SIK3: variants seen among roughly 807,000 people sequenced by gnomAD.
The protein encoded by SIK3 is serine/threonine-protein kinase SIK3.
A neutral mutation model predicts 144.2 loss-of-function variants in SIK3; 28 were observed. That is an observed-to-expected ratio of 0.19 (90% CI 0.14 to 0.27). The LOEUF is 0.27. SIK3 is among the 10% of genes least tolerant of loss of function. SIK3 has a pLI of 1.00. For synonymous variants in SIK3, 686 were observed against 676.3 expected, an observed-to-expected ratio of 1.01 and a Z score of -0.22; for missense variants, 1,319 against 1,776.0, an observed-to-expected ratio of 0.74 and a Z score of 4.62.
At chr11:116,856,704 TC>T (rs1565364791) in intron 21 of SIK3, among the ~76,000 whole-genome samples, 1 of 152,030 alleles carries the variant, frequency 6.6e-6, no homozygotes, top group Admixed American at 6.6e-5. Context: ...AGGCAACAAT[TC>T]CCCCCTAAGA....
intron 1 of SIK3, among the ~76,000 whole-genome samples, chr11:117,016,622 T>A (rs1441727135): frequency 2.0e-5 from 3 of 152,284 alleles, no homozygotes; most frequent in Admixed American, 6.5e-5. Context: ...AAGACCAGCC[T>A]GAGCAAAACA....
At chr11:117,097,017 A>G (rs993209878) in intron 1 of SIK3, among the ~76,000 whole-genome samples, 6 of 152,196 alleles carry the variant, frequency 3.9e-5, no homozygotes, top group Admixed American at 3.9e-4. Context: ...TCATTCAAGT[A>G]AGATATTGAG....
chr11:116,859,187 T>C, intron 20 of SIK3, 78 bp downstream of exon 20: 1 of 1,353,710 alleles, frequency 7.4e-7, no homozygotes, highest in Non-Finnish European at 1.0e-6. Flanking sequence ...CTTCCCTCCT[T>C]TTCTCTCACT....
chr11:117,038,923 G>A (rs1330245826), intron 1 of SIK3, among the ~76,000 whole-genome samples: 4 of 151,814 alleles, frequency 2.6e-5, no homozygotes, highest in Admixed American at 2.0e-4. Context: ...GGTGGTGTGT[G>A]CCTCTAATCC....
chr11:116,935,775 T>G (rs1006624449), intron 3 of SIK3, among the ~76,000 whole-genome samples: 7 of 152,230 alleles, frequency 4.6e-5, no homozygotes, highest in African/African-American at 1.7e-4. Context: ...ATCAAAATGT[T>G]GCAATCCTAG....
intron 1 of SIK3, among the ~76,000 whole-genome samples, chr11:116,972,585 T>A (rs1221806923): frequency 6.6e-6 from 1 of 152,184 alleles, no homozygotes; most frequent in East Asian, 1.9e-4. Context: ...TGGGTTAAAC[T>A]AACATTTGGG....
intron 3 of SIK3, among the ~76,000 whole-genome samples, chr11:116,931,826 C>G (rs987483430): frequency 6.6e-6 from 1 of 152,188 alleles, no homozygotes; most frequent in African/African-American, 2.4e-5. Context: ...CTCAGCTCCC[C>G]CTAAGCAGGT....
Position 116,897,335 on chromosome 11 carries a change from C to T in SIK3, c.617-18G>A, listed in dbSNP as rs748834968. The T allele has an allele frequency of 7.5e-6, 12 of 1,610,078 alleles. No homozygotes were observed. ...ACCAAAATCTAGAAAGGCAAATGGA[C>T]ATAATTCGTATTATTGTAACCTTTT... On this transcript the variant is annotated intron_variant, in intron 4 of 24. Coordinates refer to ENST00000445177, the MANE Select transcript of SIK3 (RefSeq NM_001366686.3).
chr11:117,079,889 C>CTCATTATTA, intron 1 of SIK3, among the ~76,000 whole-genome samples: 1 of 151,906 alleles, frequency 6.6e-6, no homozygotes, highest in Non-Finnish European at 1.5e-5. Flanking sequence ...CTATTACAGG[C>CTCATTATTA]CAGGCACAGC....
chr11:116,928,097 T>C (rs1346738758), intron 3 of SIK3, among the ~76,000 whole-genome samples: 1 of 152,222 alleles, frequency 6.6e-6, no homozygotes, highest in Non-Finnish European at 1.5e-5. Context: ...ATTGGCCATG[T>C]TGTTAACTAA....
chr11:116,871,382 T>C (rs1434386069), intron 13 of SIK3, among the ~76,000 whole-genome samples: 1 of 151,728 alleles, frequency 6.6e-6, no homozygotes, highest in African/African-American at 2.4e-5. Flanking sequence ...AAGGGTGGAG[T>C]GAACAGGGTG....
At chr11:117,007,996 AACCCGGGTAG>A (rs1951112784) in intron 1 of SIK3, among the ~76,000 whole-genome samples, 1 of 146,500 alleles carries the variant, frequency 6.8e-6, no homozygotes. Context: ...GAATCGCTTG[AACCCGGGTAG>A]CAGAAGCTGC....
Position 116,876,921 on chromosome 11 carries a change from C to T in SIK3, c.984+3G>A, listed in dbSNP as rs780591151. 6.2e-7 allele frequency: 1 copy of T among 1,613,158 alleles called. No individual in the cohort carries two copies. Among genetic ancestry groups the T allele is most frequent in the Non-Finnish European group, 8.5e-7 (1 of 1,179,056 alleles). On this transcript the variant is annotated splice_donor_region_variant and intron_variant, in intron 7 of 24. Transcript: ENST00000445177. ...TCCCCTGCAGCAGCGGTTCCCAGCTCACCCTGTCAAAGTTGGGATCGGCGT... is the reference window on the plus strand; with the variant it reads ...TCCCCTGCAGCAGCGGTTCCCAGCTTACCCTGTCAAAGTTGGGATCGGCGT...
chr11:116,896,134 C>G, intron 6 of SIK3, 119 bp downstream of exon 6: 3 of 1,395,592 alleles, frequency 2.1e-6, no homozygotes, highest in South Asian at 1.3e-5. Context: ...GGTCAGCAAG[C>G]TGGAGTTAAA....
chr11:116,921,858 C>T (rs1225527506), intron 4 of SIK3, among the ~76,000 whole-genome samples: 2 of 151,184 alleles, frequency 1.3e-5, no homozygotes, highest in Non-Finnish European at 2.9e-5. Context: ...AGAAACAGAA[C>T]TAGAACAAAA....
intron 1 of SIK3, among the ~76,000 whole-genome samples, chr11:117,012,265 T>A (rs1158446882): frequency 6.6e-6 from 1 of 152,196 alleles, no homozygotes; most frequent in Non-Finnish European, 1.5e-5. Flanking sequence ...TGAGCCACCA[T>A]GCCCAGTCCT....
intron 22 of SIK3, among the ~76,000 whole-genome samples, chr11:116,848,191 T>C (rs1942144197): frequency 1.3e-5 from 1 of 79,776 alleles, no homozygotes; most frequent in South Asian, 3.1e-4. Flanking sequence ...AATTTAGCTC[T>C]ACTAAAAATA....
intron 1 of SIK3, among the ~76,000 whole-genome samples, chr11:117,004,850 G>C (rs910462946): frequency 6.6e-6 from 1 of 152,138 alleles, no homozygotes; most frequent in African/African-American, 2.4e-5. Flanking sequence ...TAAAGCCTAT[G>C]GGAAAACAAA....
At position 116,844,647 on chromosome 11, in the gene SIK3, T is replaced by TG. The variant is rs1565345789; in HGVS notation, c.*995_*996insC. On this transcript the variant is annotated 3_prime_UTR_variant, in exon 25 of 25. Coordinates refer to ENST00000445177, the MANE Select transcript of SIK3 (RefSeq NM_001366686.3). ...TATATATAATATATTATATTATATATTATATATATAATATATATATACACA... is the reference window on the plus strand; with the variant it reads ...TATATATAATATATTATATTATATATGTATATATATAATATATATATACACA... 0.099 allele frequency: 10,819 copies of TG among 109,494 alleles called. 1,637 individuals are homozygous for TG. The highest frequency in any genetic ancestry group is 0.36 in the African/African-American group (10,259 of 28,330). The allele number at this position is 109,494 out of a possible 1,614,324, so 6.8% of individuals were successfully genotyped here. A position where few individuals can be genotyped will look rare whatever the true frequency, so the allele number is the denominator to read the frequency against.
Sources: gnomAD v4.1 joint callset for allele counts (sites outside exome capture counted in the v4.1 genomes callset) on GRCh38, gnomAD v4.1.1 for gene constraint, MANE v1.5 for transcripts, NCBI Gene and HGNC (gene_info 2026-07-23, HGNC 2026-07-21) for gene names.